Variants in ANO3 observed in about 807,000 individuals in gnomAD.
ANO3 encodes anoctamin-3.
In ANO3, 99 loss-of-function variants were observed where a neutral mutation model predicts 144.8. That is an observed-to-expected ratio of 0.68 (90% CI 0.58 to 0.81). The LOEUF (loss-of-function observed/expected upper bound fraction) is 0.81. Among genes scored for constraint, ANO3 ranks in the 30% least tolerant of loss-of-function variants. The pLI, the probability that ANO3 is intolerant of heterozygous loss-of-function variation, is 0.00. For missense variants in ANO3, 905 were observed against 1,202.2 expected, an observed-to-expected ratio of 0.75 and a Z score of 3.66; for synonymous variants, 414 against 392.6, an observed-to-expected ratio of 1.05 and a Z score of -0.64.
At chr11:26,559,629 A>G in intron 13 of ANO3, 90 bp from the exon 14 acceptor site, 1 of 882,614 alleles carries the variant, frequency 1.1e-6, no homozygotes, top group Admixed American at 1.8e-5. Context: ...TCTATTTGAG[A>G]AAAAATCATA....
chr11:26,553,212 A>ACGTTT, intron 12 of ANO3, 37 bp from the exon 13 acceptor site: 4 of 1,240,254 alleles, frequency 3.2e-6, no homozygotes, highest in Non-Finnish European at 4.6e-6. Context: ...GTTTCATGCT[A>ACGTTT]TGTTTTGTTT....
chr11:26,505,113 C>G (rs569387607), intron 4 of ANO3, among the ~76,000 whole-genome samples: 18 of 149,968 alleles, frequency 1.2e-4, no homozygotes, highest in Non-Finnish European at 2.5e-4. Context: ...ATGGTTTAGA[C>G]CAGAGTGGTA....
chr11:26,306,041 C>A (rs551008325), upstream of ANO3, among the ~76,000 whole-genome samples: 1 of 152,096 alleles, frequency 6.6e-6, no homozygotes, highest in African/African-American at 2.4e-5. Flanking sequence ...TCACTGCAAG[C>A]TCCGCCTCCC....
intron 4 of ANO3, among the ~76,000 whole-genome samples, chr11:26,467,620 T>C (rs991796032): frequency 1.3e-5 from 2 of 151,920 alleles, no homozygotes; most frequent in African/African-American, 4.8e-5. Flanking sequence ...TCTCATTCTT[T>C]TATGGCTGAA....
chr11:26,428,261 C>G (rs1345879705), intron 1 of ANO3, among the ~76,000 whole-genome samples: 1 of 152,074 alleles, frequency 6.6e-6, no homozygotes, highest in African/African-American at 2.4e-5. Flanking sequence ...ATTAACACTT[C>G]CCAAAAATTA....
chr11:26,622,618 A>G (rs1852452439), intron 17 of ANO3, among the ~76,000 whole-genome samples: 1 of 152,100 alleles, frequency 6.6e-6, no homozygotes, highest in Non-Finnish European at 1.5e-5. Flanking sequence ...AAATAAATAA[A>G]TAGTTAAAAA....
chr11:26,660,017 A>G (rs1320157646), intron 26 of ANO3, among the ~76,000 whole-genome samples: 3 of 152,202 alleles, frequency 2.0e-5, no homozygotes, highest in Admixed American at 2.0e-4. Flanking sequence ...TTCAGTGCTT[A>G]TAAAGTGATA....
At chr11:26,566,445 C>T (rs574186881) in intron 14 of ANO3, among the ~76,000 whole-genome samples, 1 of 151,788 alleles carries the variant, frequency 6.6e-6, no homozygotes, top group Admixed American at 6.6e-5. Flanking sequence ...CCCTTGAATA[C>T]ATTTTATTAG....
chr11:26,566,041 G>A, intron 14 of ANO3: 3 of 886,482 alleles, frequency 3.4e-6, no homozygotes, highest in East Asian at 5.7e-5. Context: ...GCTTATTTTG[G>A]ATTATGTACT....
At chr11:26,359,491 A>C (rs1855867346) in intron 1 of ANO3, among the ~76,000 whole-genome samples, 1 of 152,070 alleles carries the variant, frequency 6.6e-6, no homozygotes, top group Admixed American at 6.6e-5. Flanking sequence ...ACGTATGTAC[A>C]TGTATATACT....
chr11:26,450,380 T>C (rs951649134), intron 3 of ANO3, among the ~76,000 whole-genome samples: 1 of 152,162 alleles, frequency 6.6e-6, no homozygotes, highest in African/African-American at 2.4e-5. Context: ...TCATTGCTAC[T>C]GGCTAGTGGT....
intron 1 of ANO3, among the ~76,000 whole-genome samples, chr11:26,203,541 G>C (rs924440631): frequency 3.3e-5 from 5 of 152,094 alleles, no homozygotes; most frequent in Admixed American, 6.6e-5. Context: ...AAGGCAAAGG[G>C]GCTTGGGCTA....
At chr11:26,346,468 A>G (rs1425488833) in intron 1 of ANO3, among the ~76,000 whole-genome samples, 1 of 152,180 alleles carries the variant, frequency 6.6e-6, no homozygotes, top group Non-Finnish European at 1.5e-5. Context: ...AAAGACTCTC[A>G]TTGCATGCTA....
chr11:26,450,697 A>G (rs1858898486), intron 3 of ANO3, among the ~76,000 whole-genome samples: 1 of 152,208 alleles, frequency 6.6e-6, no homozygotes, highest in Non-Finnish European at 1.5e-5. Flanking sequence ...TCTTATAAAC[A>G]GAGATTGAGC....
chr11:26,304,209 G>C (rs1197274037), intron 1 of ANO3, among the ~76,000 whole-genome samples: 1 of 151,936 alleles, frequency 6.6e-6, no homozygotes, highest in Non-Finnish European at 1.5e-5. Context: ...ATTTGAAATA[G>C]AGGAAGCTTT....
At chr11:26,427,657 G>A (rs1160072215) in intron 1 of ANO3, among the ~76,000 whole-genome samples, 1 of 151,978 alleles carries the variant, frequency 6.6e-6, no homozygotes, top group Non-Finnish European at 1.5e-5. Flanking sequence ...ACAACAACTC[G>A]AGTTAACTTG....
intron 4 of ANO3, among the ~76,000 whole-genome samples, chr11:26,471,218 G>C (rs554198849): frequency 1.3e-5 from 2 of 152,016 alleles, no homozygotes; most frequent in Admixed American, 1.3e-4. Context: ...TTTAACTGTA[G>C]ACTCGGCTTT....
rs112350155 is a variant in ANO3, at chr11:26,595,864, G to A, written c.1448-2501G>A. ...TTTAGGATAGCTCTGAACTGGTGAG[G>A]TGTGCTCACAATGAGGTTTCCTCTA... On this transcript the variant is annotated intron_variant, in intron 14 of 26. Transcript: ENST00000256737. Among the ~76,000 whole-genome samples the A allele has an allele frequency of 2.5e-4, 38 of 152,284 alleles. 1 individual carries two copies. The highest frequency in any genetic ancestry group is 9.1e-4 in the African/African-American group (38 of 41,544).
intron 14 of ANO3, chr11:26,563,380 G>T: frequency 8.8e-6 from 9 of 1,024,654 alleles, no homozygotes; most frequent in Non-Finnish European, 1.1e-5. Context: ...ATTAGATAAT[G>T]GTGTGTTTCT....
Sources: gnomAD v4.1 joint callset for allele counts (sites outside exome capture counted in the v4.1 genomes callset) on GRCh38, gnomAD v4.1.1 for gene constraint, MANE v1.5 for transcripts, NCBI Gene and HGNC (gene_info 2026-07-23, HGNC 2026-07-21) for gene names.